The following STAM variants were observed in gnomAD, a reference collection of about 807,000 sequenced individuals.
STAM encodes the protein signal transducing adapter molecule 1.
STAM carries 16 observed loss-of-function variants against 63.4 expected under a neutral mutation model. The ratio of observed to expected loss-of-function variants is 0.25; its 90% CI spans 0.17 to 0.38. STAM has a LOEUF of 0.38. STAM is among the 10% of genes least tolerant of loss of function. The pLI is 1.00. For missense variants in STAM, 636 were observed against 657.1 expected (o/e 0.97, Z 0.35); for synonymous variants, 238 against 223.9 (o/e 1.06, Z -0.56).
At chr10:17,664,508 A>T (rs1554823206) in intron 2 of STAM, among the ~76,000 whole-genome samples, 3 of 152,138 alleles carry the variant, frequency 2.0e-5, no homozygotes, top group African/African-American at 7.2e-5. Flanking sequence ...TGGACAACTT[A>T]TAGAAATCTG....
intron 8 of STAM, 114 bp downstream of exon 8, chr10:17,696,983 G>A (rs1835787852): frequency 1.2e-5 from 9 of 753,408 alleles, no homozygotes; most frequent in African/African-American, 1.7e-5. Flanking sequence ...GCAGTGGTGC[G>A]AGCTCGGATC....
At chr10:17,666,643 C>CA (rs1438661380) in intron 2 of STAM, among the ~76,000 whole-genome samples, 11 of 152,020 alleles carry the variant, frequency 7.2e-5, no homozygotes, top group African/African-American at 2.4e-4. Context: ...GTGATCTGCC[C>CA]GCCTTGGCCT....
chr10:17,660,546 T>C lies in STAM; in HGVS notation c.123T>C (p.Thr41=), dbSNP rs41289333. The C allele has an allele frequency of 0.011, 17,789 of 1,588,300 alleles. 135 individuals carry two copies. The highest frequency in any genetic ancestry group is 0.035 in the Middle Eastern group (206 of 5,966). Residue 41 remains threonine (T), a splice_region_variant and synonymous_variant, in exon 2 of 14, where the codon ACT becomes ACC. Coordinates refer to ENST00000377524, the MANE Select transcript of STAM (RefSeq NM_003473.4). ...DICDKVGQSR[T]GPKDCLRSIM... ...GTGATAAAGTTGGTCAGTCTCGCAC[T>C]GGGTAAGTATTTAGCGTTTCAAAGG...
chr10:17,705,052 G>A (rs373764775), intron 11 of STAM, 28 bp downstream of exon 11: 1 of 1,599,730 alleles, frequency 6.3e-7, no homozygotes, highest in Non-Finnish European at 8.6e-7. Flanking sequence ...CATTTATGTT[G>A]TGTACCTTCT....
At chr10:17,712,473 A>T (rs1225507376) in intron 13 of STAM, among the ~76,000 whole-genome samples, 1 of 152,268 alleles carries the variant, frequency 6.6e-6, no homozygotes, top group Non-Finnish European at 1.5e-5. Context: ...GAAATGTAGC[A>T]TTAAATTACC....
chr10:17,648,188 A>G lies in STAM; in HGVS notation c.40+3809A>G, dbSNP rs138467770. Among the ~76,000 whole-genome samples, 7 of 152,326 alleles carry G rather than the reference A, an allele frequency of 4.6e-5. No individual in the cohort carries two copies. In the East Asian group the frequency reaches 1.3e-3, roughly 29 times the overall value. On this transcript the variant is annotated intron_variant, in intron 1 of 13. Coordinates refer to ENST00000377524, the MANE Select transcript of STAM (RefSeq NM_003473.4). ...GAAACTAGCTGGACTTCCTGGGTCA[A>G]GTGGGGACTTGGAGAACTTTTCGGT... is the stretch of plus-strand genomic sequence containing the variant.
Position 17,695,150 on chromosome 10 carries a change from C to T in STAM, c.637C>T (p.Arg213Ter). 4 of 1,613,986 alleles carry T rather than the reference C, an allele frequency of 2.5e-6. No individual in the cohort carries two copies. Among genetic ancestry groups the T allele is most frequent in the South Asian group, 1.1e-5 (1 of 91,070 alleles). ...SLLTNHQHEG[R>*]KVRAIYDFEA... ...CTTAACTAACCACCAACATGAAGGC[C>T]GAAAAGTTCGTGCTATATATGACTT... The change falls in exon 7 of 14, where the codon CGA becomes TGA. Residue 213 changes from arginine to a stop codon, truncating the protein, a stop_gained. Coordinates refer to ENST00000377524, the MANE Select transcript of STAM (RefSeq NM_003473.4). LOFTEE classifies it high-confidence loss of function.
intron 11 of STAM, 42 bp downstream of exon 11, chr10:17,705,066 C>T (rs1554829053): frequency 1.9e-6 from 3 of 1,565,580 alleles, no homozygotes; most frequent in South Asian, 1.1e-5. Context: ...ACCTTCTTTC[C>T]TGAAGCTATC....
chr10:17,659,463 C>CTTTTTTTTTTTT (rs1223509007), intron 1 of STAM, among the ~76,000 whole-genome samples: 8 of 107,524 alleles, frequency 7.4e-5, no homozygotes, highest in African/African-American at 2.9e-4. Flanking sequence ...TTCTCTTCCT[C>CTTTTTTTTTTTT]TTTTTTTTTT....
At chr10:17,705,141 C>G in intron 11 of STAM, 117 bp downstream of exon 11, 1 of 783,538 alleles carries the variant, frequency 1.3e-6, no homozygotes, top group Non-Finnish European at 2.1e-6. Flanking sequence ...AACCAACTCT[C>G]ATTCACATAT....
chr10:17,647,790 C>T (rs1450824591), intron 1 of STAM, among the ~76,000 whole-genome samples: 2 of 151,976 alleles, frequency 1.3e-5, no homozygotes, highest in African/African-American at 2.4e-5. Context: ...TAAAAAGAAC[C>T]TCATCTAATT....
At chr10:17,677,313 A>G (rs963623251) in intron 2 of STAM, among the ~76,000 whole-genome samples, 2 of 152,244 alleles carry the variant, frequency 1.3e-5, no homozygotes, top group Non-Finnish European at 2.9e-5. Context: ...AAAGTGGTTT[A>G]TAAACAAAAT....
chr10:17,675,228 G>GATT (rs1426244937), intron 2 of STAM, among the ~76,000 whole-genome samples: 2 of 152,106 alleles, frequency 1.3e-5, no homozygotes, highest in Non-Finnish European at 2.9e-5. Flanking sequence ...TTTTTGGCTG[G>GATT]GCACGTGGCT....
chr10:17,685,503 A>G (rs936767944), intron 4 of STAM, among the ~76,000 whole-genome samples: 1 of 152,202 alleles, frequency 6.6e-6, no homozygotes, highest in East Asian at 1.9e-4. Flanking sequence ...TGCCAGGGTG[A>G]TCAGTCTAAA....
In STAM at chr10:17,653,241, A is replaced by G. The variant is rs935931438; in HGVS notation, c.41-7223A>G. ...CCAATTGTAGAATCCATGAAGGTAC[A>G]TTTCCCAGTCCATCGAAACCTACAC... On this transcript the variant is annotated intron_variant, in intron 1 of 13. Transcript: ENST00000377524. Among the ~76,000 whole-genome samples, 5 of 152,030 alleles carry G rather than the reference A, an allele frequency of 3.3e-5. No individual in the cohort carries two copies. In the East Asian group the frequency reaches 7.7e-4, roughly 23 times the overall value.
intron 1 of STAM, among the ~76,000 whole-genome samples, chr10:17,645,848 AAATACTTAAAACAGCTTCTT>A (rs1833499883): frequency 6.6e-6 from 1 of 152,066 alleles, no homozygotes; most frequent in South Asian, 2.1e-4. Flanking sequence ...TCTCTAGGGG[AAATACTTAAAACAGCTTCTT>A]AATACTTGCT....
At chr10:17,677,081 T>A (rs1158974847) in intron 2 of STAM, among the ~76,000 whole-genome samples, 38 of 152,180 alleles carry the variant, frequency 2.5e-4, no homozygotes, top group Non-Finnish European at 1.9e-4. Context: ...AAACAAGGTG[T>A]TCATCAGCGC....
chr10:17,704,827 T>A (rs1554829006), intron 10 of STAM, 143 bp from the exon 11 acceptor site: 1 of 700,444 alleles, frequency 1.4e-6, no homozygotes, highest in African/African-American at 1.8e-5. Flanking sequence ...CAATTTTGGG[T>A]TCTGTAGACT....
chr10:17,646,623 GCTTA>G (rs1464496519), intron 1 of STAM, among the ~76,000 whole-genome samples: 1 of 152,132 alleles, frequency 6.6e-6, no homozygotes, highest in Non-Finnish European at 1.5e-5. Flanking sequence ...CTCCAGAAAA[GCTTA>G]CTTTTTAAAG....
Sources: gnomAD v4.1 joint callset for allele counts (sites outside exome capture counted in the v4.1 genomes callset) on GRCh38, gnomAD v4.1.1 for gene constraint, MANE v1.5 for transcripts, NCBI Gene and HGNC (gene_info 2026-07-23, HGNC 2026-07-21) for gene names.